ILDR1: variants seen among roughly 807,000 people sequenced by gnomAD.
ILDR1 encodes the protein immunoglobulin-like domain-containing receptor 1.
In ILDR1, 56 loss-of-function variants were observed where a neutral mutation model predicts 62.4. The ratio of observed to expected loss-of-function variants is 0.90; its 90% CI spans 0.72 to 1.12. The LOEUF (loss-of-function observed/expected upper bound fraction) is 1.12. Among genes scored for constraint, ILDR1 ranks in the 50% most tolerant of loss-of-function variants. The probability of loss-of-function intolerance (pLI) is 0.00; values close to 1 mark genes in which losing one functional copy is unlikely to be tolerated. For missense variants in ILDR1, 736 were observed against 710.6 expected, an observed-to-expected ratio of 1.04 and a Z score of -0.41; for synonymous variants, 284 against 277.8, an observed-to-expected ratio of 1.02 and a Z score of -0.22.
At chr3:121,994,353 G>C (rs1252882263) in intron 5 of ILDR1, 40 bp from the exon 6 acceptor site, 1 of 1,513,326 alleles carries the variant, frequency 6.6e-7, no homozygotes, top group East Asian at 2.5e-5. Context: ...CTCAGCCAGG[G>C]CAAGCCCCAC....
the ILDR1 span, among the ~76,000 whole-genome samples, chr3:122,033,517 A>G: frequency 1.3e-5 from 2 of 152,036 alleles, no homozygotes; most frequent in Non-Finnish European, 2.9e-5. Flanking sequence ...TAATTTATCA[A>G]TCTTTTCCTT....
chr3:122,053,531 T>C, the ILDR1 span, among the ~76,000 whole-genome samples: 2 of 152,124 alleles, frequency 1.3e-5, no homozygotes, highest in African/African-American at 4.8e-5. Flanking sequence ...AGGAAGATAA[T>C]TTTACTACAA....
the ILDR1 span, among the ~76,000 whole-genome samples, chr3:122,038,497 C>T: frequency 2.0e-5 from 3 of 152,126 alleles, no homozygotes; most frequent in African/African-American, 7.2e-5. Flanking sequence ...CTACTAAAGG[C>T]CTTGCAGAAG....
At chr3:122,041,628 G>GT in the ILDR1 span, among the ~76,000 whole-genome samples, 1 of 151,910 alleles carries the variant, frequency 6.6e-6, no homozygotes. Flanking sequence ...TTACCTTTTT[G>GT]TTTAAGTTTA....
the ILDR1 span, among the ~76,000 whole-genome samples, chr3:122,039,182 T>C: frequency 6.6e-6 from 1 of 150,498 alleles, no homozygotes; most frequent in Non-Finnish European, 1.5e-5. Flanking sequence ...ACATAAGAAA[T>C]ATCTGAAGAA....
chr3:122,046,343 C>T, the ILDR1 span, among the ~76,000 whole-genome samples: 2 of 151,488 alleles, frequency 1.3e-5, no homozygotes, highest in Non-Finnish European at 3.0e-5. Flanking sequence ...TCTCTGGTTG[C>T]CCTTAACATT....
chr3:122,035,849 A>G, the ILDR1 span, among the ~76,000 whole-genome samples: 1 of 152,198 alleles, frequency 6.6e-6, no homozygotes, highest in Non-Finnish European at 1.5e-5. Flanking sequence ...AAAGTGGGGG[A>G]TTGCTACAAA....
intron 5 of ILDR1, among the ~76,000 whole-genome samples, chr3:122,000,938 C>T (rs898090591): frequency 3.9e-5 from 6 of 152,306 alleles, no homozygotes; most frequent in East Asian, 1.9e-4. Flanking sequence ...TTACAAGTGG[C>T]CTTCTCTCTT....
At chr3:122,015,580 C>A (rs1287484524) in intron 1 of ILDR1, among the ~76,000 whole-genome samples, 2 of 152,180 alleles carry the variant, frequency 1.3e-5, no homozygotes, top group Non-Finnish European at 2.9e-5. Context: ...TCCCCCTTCA[C>A]TGGGCAATCA....
the ILDR1 span, among the ~76,000 whole-genome samples, chr3:122,047,205 G>T: frequency 1.3e-5 from 2 of 151,184 alleles, no homozygotes; most frequent in African/African-American, 4.9e-5. Context: ...GCCCCTGCTG[G>T]GGGGTGCCTC....
rs984474447 is a variant in ILDR1, at chr3:122,001,774, G to C, written c.470C>G (p.Pro157Arg). The C allele has an allele frequency of 1.9e-6, 3 of 1,613,344 alleles. No homozygotes were observed. Among genetic ancestry groups the C allele is most frequent in the Non-Finnish European group, 2.5e-6 (3 of 1,179,960 alleles). ...IEAPGDTSGD[P>R]DKEVKLIVLH... ...GACGATGAGCTTTACTTCCTTATCG[G>C]GGTCTCCTGATGTGTCCCCTGGAGC... The change falls in exon 4 of 8, where the codon CCC (proline) becomes CGC (arginine). Residue 157 changes from proline to arginine, a missense_variant. Physicochemically the swap from Pro to Arg is moderately radical, Grantham distance 103 (BLOSUM62 -2). Transcript: ENST00000344209.
At chr3:122,047,422 T>C in the ILDR1 span, among the ~76,000 whole-genome samples, 1 of 152,244 alleles carries the variant, frequency 6.6e-6, no homozygotes, top group African/African-American at 2.4e-5. Context: ...GCAGGCCTCC[T>C]TGAGCTATGG....
intron 5 of ILDR1, among the ~76,000 whole-genome samples, chr3:121,997,481 T>C (rs2071453548): frequency 6.6e-6 from 1 of 152,230 alleles, no homozygotes; most frequent in African/African-American, 2.4e-5. Flanking sequence ...AGGTTAAACA[T>C]TCCCCACCTC....
chr3:122,007,150 A>G lies in ILDR1; in HGVS notation c.70T>C (p.Leu24=). The change falls in exon 2 of 8, where the codon TTG becomes CTG. Residue 24 remains leucine (L), a synonymous_variant. Coordinates refer to ENST00000344209, the MANE Select transcript of ILDR1 (RefSeq NM_001199799.2). ...CTWLPAGCLS[L]LVTVQHTERY... is the part of the protein sequence containing the mutation. Reference sequence around the variant, plus strand: ...TCTGTGTGCTGGACCGTCACAAGCAAGGACAGGCACCCTAAAGCCAAGAGC... The same window carrying G: ...TCTGTGTGCTGGACCGTCACAAGCAGGGACAGGCACCCTAAAGCCAAGAGC... 6.2e-7 allele frequency: 1 copy of G among 1,614,212 alleles called. No homozygotes were observed. The highest frequency in any genetic ancestry group is 8.5e-7 in the Non-Finnish European group (1 of 1,180,046).
chr3:122,028,086 G>A, the ILDR1 span, among the ~76,000 whole-genome samples: 1 of 151,934 alleles, frequency 6.6e-6, no homozygotes, highest in Admixed American at 6.6e-5. Context: ...CCATCACTTT[G>A]GGAGGCCAAG....
chr3:122,010,523 G>T (rs192884261), intron 1 of ILDR1, among the ~76,000 whole-genome samples: 37 of 152,296 alleles, frequency 2.4e-4, no homozygotes, highest in Admixed American at 2.4e-3. Flanking sequence ...GGAAGGGCCG[G>T]TGACCAGCAT....
At chr3:122,035,343 C>T in the ILDR1 span, among the ~76,000 whole-genome samples, 1 of 152,104 alleles carries the variant, frequency 6.6e-6, no homozygotes, top group Non-Finnish European at 1.5e-5. Context: ...TGAAGGCCCC[C>T]CATGAAGCAG....
the ILDR1 span, among the ~76,000 whole-genome samples, chr3:122,038,128 C>G: frequency 3.9e-5 from 6 of 152,184 alleles, no homozygotes; most frequent in Admixed American, 3.9e-4. Context: ...TCAGGTAGTT[C>G]TTTATAGAAA....
chr3:121,988,305 G>C lies in ILDR1; in HGVS notation c.*62C>G. On this transcript the variant is annotated 3_prime_UTR_variant, in exon 8 of 8. Coordinates refer to ENST00000344209, the MANE Select transcript of ILDR1 (RefSeq NM_001199799.2). ...AGTTCCCAAGTCAGCTGGAAACCTA[G>C]GTGATGCTGATGACACACAGGAGCC... The C allele has an allele frequency of 7.2e-7, 1 of 1,398,516 alleles. No individual in the cohort carries two copies. The highest frequency in any genetic ancestry group is 2.3e-5 in the East Asian group (1 of 43,816). 86.6% of individuals were successfully genotyped at this position (1,398,516 alleles called of 1,614,324 possible).
Sources: gnomAD v4.1 joint callset for allele counts (sites outside exome capture counted in the v4.1 genomes callset) on GRCh38, gnomAD v4.1.1 for gene constraint, MANE v1.5 for transcripts, NCBI Gene and HGNC (gene_info 2026-07-23, HGNC 2026-07-21) for gene names.